ZC4H2: variants seen among roughly 807,000 people sequenced by gnomAD.
ZC4H2 encodes zinc finger C4H2 domain-containing protein.
For synonymous variants in ZC4H2, 84 were observed against 66.3 expected (o/e 1.27, Z -1.30); for missense variants, 137 against 173.9 (o/e 0.79, Z 1.19).
intron 1 of ZC4H2, among the ~76,000 whole-genome samples, chrX:65,023,499 T>TA (rs888736294): frequency 2.8e-4 from 31 of 110,903 alleles, no homozygotes; most frequent in Non-Finnish European, 5.5e-4. Flanking sequence ...AACAAACATA[T>TA]AAAAAAAAGC....
intron 1 of ZC4H2, among the ~76,000 whole-genome samples, chrX:64,960,616 T>G (rs772166863): frequency 1.1e-4 from 12 of 112,162 alleles, no homozygotes; most frequent in African/African-American, 3.6e-4. Context: ...GCAAGACTTA[T>G]AGGGATAAAA....
chrX:64,963,289 G>A (rs1043058664), intron 1 of ZC4H2, among the ~76,000 whole-genome samples: 3 of 111,688 alleles, frequency 2.7e-5, no homozygotes, highest in Non-Finnish European at 3.8e-5. Context: ...AACTACAAAT[G>A]TATTAAACAC....
At position 64,916,582 on chromosome X, in the gene ZC4H2, G is replaced by A. The variant is rs1335429869; in HGVS notation, c.*1201C>T. On this transcript the variant is annotated 3_prime_UTR_variant, in exon 5 of 5. Transcript: ENST00000374839. ...GGAAAAATATCCCCCTCCCCAGCCA[G>A]GTACTGAGACCTGGGGCTAAAATTT... 8.9e-6 allele frequency: 1 copy of A among 111,912 alleles called. No homozygotes were observed. Among genetic ancestry groups the A allele is most frequent in the African/African-American group, 3.3e-5 (1 of 30,760 alleles). The allele number at this position is 111,912 out of a possible 1,213,427, so 9.2% of individuals were successfully genotyped here. A position where few individuals can be genotyped will look rare whatever the true frequency, so the allele number is the denominator to read the frequency against.
chrX:65,016,931 T>A (rs908004178), intron 1 of ZC4H2, among the ~76,000 whole-genome samples: 3 of 112,242 alleles, frequency 2.7e-5, no homozygotes, highest in Non-Finnish European at 5.6e-5. Context: ...TTTGCCCAGC[T>A]GCCTGGTCTG....
At chrX:64,967,954 G>T (rs765923448) in intron 1 of ZC4H2, among the ~76,000 whole-genome samples, 1 of 111,774 alleles carries the variant, frequency 8.9e-6, no homozygotes, top group South Asian at 3.8e-4. Context: ...ACTACTGAAT[G>T]GTAGGTAGTA....
At chrX:64,985,166 A>G (rs1278755907) in intron 1 of ZC4H2, among the ~76,000 whole-genome samples, 1 of 112,128 alleles carries the variant, frequency 8.9e-6, no homozygotes, top group East Asian at 2.8e-4. Context: ...ATATGAGTAC[A>G]GGGGTCTTTT....
chrX:64,944,759 T>G (rs1204251185), intron 1 of ZC4H2, among the ~76,000 whole-genome samples: 1 of 111,957 alleles, frequency 8.9e-6, no homozygotes, highest in Non-Finnish European at 1.9e-5. Context: ...CCATATTTCT[T>G]GGAGGCTTTG....
intron 1 of ZC4H2, among the ~76,000 whole-genome samples, chrX:64,928,685 C>CTTCTTCTTCT (rs1201758564): frequency 1.5e-4 from 8 of 52,658 alleles, no homozygotes; most frequent in African/African-American, 8.5e-4. Flanking sequence ...CTTCTTCTTC[C>CTTCTTCTTCT]TCCTCCTCTT....
In ZC4H2 at chrX:64,919,131, C is replaced by T; in HGVS notation, c.472G>A (p.Ala158Thr). ...TGGAGCTGTTGGGCGGCAGCGGCTG[C>T]AGCGGCCAGGGACTCAGGGATGGGG... is the stretch of plus-strand genomic sequence containing the variant. ...EPPIPESLAA[A>T]AAAAQQLQVA... The change falls in exon 4 of 5, where the codon GCA (alanine) becomes ACA (threonine). Residue 158 changes from alanine to threonine, a missense_variant. Ala to Thr is a moderately conservative substitution (Grantham distance 58). Coordinates refer to ENST00000374839, the MANE Select transcript of ZC4H2 (RefSeq NM_018684.4). The T allele has an allele frequency of 8.3e-7, 1 of 1,206,438 alleles. No homozygotes were observed. Among genetic ancestry groups the T allele is most frequent in the Non-Finnish European group, 1.1e-6 (1 of 892,408 alleles).
upstream of ZC4H2, among the ~76,000 whole-genome samples, chrX:64,979,814 T>TA (rs374960113): frequency 5.8e-3 from 637 of 110,309 alleles, no homozygotes; most frequent in Admixed American, 0.011. Flanking sequence ...GGGTTAGAAA[T>TA]AAAAAAAAAT....
intron 1 of ZC4H2, among the ~76,000 whole-genome samples, chrX:64,997,692 C>T (rs779719682): frequency 1.3e-4 from 14 of 111,860 alleles, no homozygotes; most frequent in Admixed American, 9.5e-4. Context: ...ATTGCAGCCT[C>T]GATCACCTAG....
intron 1 of ZC4H2, among the ~76,000 whole-genome samples, chrX:64,935,400 G>A (rs1317575402): frequency 8.9e-6 from 1 of 111,977 alleles, no homozygotes; most frequent in African/African-American, 3.2e-5. Context: ...ACACAGCTTC[G>A]GCAGACTTAA....
At chrX:64,928,627 TTTCTCC>T (rs1459335648) in intron 1 of ZC4H2, among the ~76,000 whole-genome samples, 44 of 85,901 alleles carry the variant, frequency 5.1e-4, no homozygotes, top group Admixed American at 3.6e-3. Context: ...CTTTGCCTGC[TTTCTCC>T]TTCTTCTTCT....
intron 1 of ZC4H2, among the ~76,000 whole-genome samples, chrX:64,984,376 C>G (rs769546876): frequency 3.8e-4 from 43 of 111,810 alleles, no homozygotes; most frequent in Admixed American, 1.0e-3. Flanking sequence ...GAATCAGCCT[C>G]CGTAAAAATT....
At chrX:64,930,797 G>A (rs1465377841) in intron 1 of ZC4H2, among the ~76,000 whole-genome samples, 1 of 111,392 alleles carries the variant, frequency 9.0e-6, no homozygotes, top group Non-Finnish European at 1.9e-5. Context: ...TTGAATCTAT[G>A]TTCATCAGGG....
intron 1 of ZC4H2, among the ~76,000 whole-genome samples, chrX:64,925,841 C>T (rs1310834308): frequency 7.1e-5 from 8 of 111,947 alleles, no homozygotes; most frequent in Admixed American, 6.6e-4. Context: ...CTGCCACCAG[C>T]AAGATGGCAG....
chrX:65,029,933 G>A (rs1056561496), intron 1 of ZC4H2, among the ~76,000 whole-genome samples: 1 of 110,205 alleles, frequency 9.1e-6, no homozygotes, highest in Admixed American at 9.7e-5. Context: ...CAAGTAGTTC[G>A]TAGATGAGAA....
chrX:64,993,411 A>G (rs984892657), intron 1 of ZC4H2, among the ~76,000 whole-genome samples: 1 of 111,477 alleles, frequency 9.0e-6, no homozygotes, highest in African/African-American at 3.3e-5. Context: ...AAATTATGTT[A>G]AAATCCTAAC....
chrX:65,003,383 A>C (rs1480076353), intron 1 of ZC4H2, among the ~76,000 whole-genome samples: 1 of 111,864 alleles, frequency 8.9e-6, no homozygotes, highest in African/African-American at 3.2e-5. Flanking sequence ...TAGAAAAGCA[A>C]GAGCAAACAA....
Sources: gnomAD v4.1 joint callset for allele counts (sites outside exome capture counted in the v4.1 genomes callset) on GRCh38, gnomAD v4.1.1 for gene constraint, MANE v1.5 for transcripts, NCBI Gene and HGNC (gene_info 2026-07-23, HGNC 2026-07-21) for gene names.